FBXW7: variants seen among roughly 807,000 people sequenced by gnomAD.
FBXW7 encodes the protein F-box/WD repeat-containing protein 7.
Under a neutral mutation model 86.3 loss-of-function variants are expected in FBXW7, and 11 were observed. The ratio of observed to expected loss-of-function variants is 0.13; its 90% CI spans 0.08 to 0.21. The LOEUF (loss-of-function observed/expected upper bound fraction) is 0.21. Ranked by LOEUF, FBXW7 falls within the 10% of genes least tolerant of loss-of-function variation. The probability of loss-of-function intolerance (pLI) is 1.00; values close to 1 mark genes in which losing one functional copy is unlikely to be tolerated. For synonymous variants in FBXW7, 313 were observed against 297.9 expected, an observed-to-expected ratio of 1.05 and a Z score of -0.52; for missense variants, 488 against 847.4, an observed-to-expected ratio of 0.58 and a Z score of 5.27.
At chr4:152,338,685 A>G (rs1448944373) in intron 6 of FBXW7, among the ~76,000 whole-genome samples, 1 of 152,152 alleles carries the variant, frequency 6.6e-6, no homozygotes, top group East Asian at 1.9e-4. Context: ...AGTGAAGAAC[A>G]CCTGCACAGA....
At chr4:152,501,728 CTTTTT>C (rs1489749804) in intron 2 of FBXW7, among the ~76,000 whole-genome samples, 1 of 152,026 alleles carries the variant, frequency 6.6e-6, no homozygotes, top group East Asian at 1.9e-4. Context: ...GATGAACATT[CTTTTT>C]TTTATTTGTG....
intron 2 of FBXW7, among the ~76,000 whole-genome samples, chr4:152,422,708 T>C (rs71618402): frequency 3.9e-4 from 59 of 152,282 alleles, no homozygotes; most frequent in Admixed American, 2.0e-3. Context: ...ACACAGCAAT[T>C]TGCCAGCGAG....
At chr4:152,452,133 T>A (rs900227606) in intron 2 of FBXW7, among the ~76,000 whole-genome samples, 2 of 152,216 alleles carry the variant, frequency 1.3e-5, no homozygotes, top group African/African-American at 4.8e-5. Context: ...CAGACTTTGT[T>A]AATTGTGTAA....
At chr4:152,380,103 AAAGTGGTC>A (rs1734920777) in intron 4 of FBXW7, among the ~76,000 whole-genome samples, 1 of 152,188 alleles carries the variant, frequency 6.6e-6, no homozygotes, top group Non-Finnish European at 1.5e-5. Context: ...TAGAAGGAAA[AAAGTGGTC>A]TGTAAAATAC....
At chr4:152,422,338 C>T (rs962536854) in intron 2 of FBXW7, among the ~76,000 whole-genome samples, 5 of 152,046 alleles carry the variant, frequency 3.3e-5, no homozygotes, top group Admixed American at 2.0e-4. Context: ...GTTGAGTTTC[C>T]CAAATTTATA....
intron 4 of FBXW7, among the ~76,000 whole-genome samples, chr4:152,398,345 T>A (rs1000452113): frequency 6.6e-6 from 1 of 151,494 alleles, no homozygotes; most frequent in African/African-American, 2.4e-5. Flanking sequence ...AAAAAAAAAA[T>A]AATACTTTAT....
chr4:152,416,231 T>C (rs1254353028), intron 2 of FBXW7, among the ~76,000 whole-genome samples: 3 of 152,202 alleles, frequency 2.0e-5, no homozygotes, highest in Admixed American at 6.6e-5. Flanking sequence ...GTACTAAGCA[T>C]GCTCTTCACC....
intron 4 of FBXW7, chr4:152,352,460 G>A (rs2126660497): frequency 6.2e-7 from 1 of 1,613,692 alleles, no homozygotes; most frequent in Non-Finnish European, 8.5e-7. Context: ...GAAGAAAACA[G>A]CTTACTTACT....
chr4:152,465,065 A>C (rs1327294077), intron 2 of FBXW7, among the ~76,000 whole-genome samples: 2 of 152,112 alleles, frequency 1.3e-5, no homozygotes, highest in Admixed American at 6.5e-5. Flanking sequence ...AGTATCTCCA[A>C]GGTGTATTAT....
intron 4 of FBXW7, among the ~76,000 whole-genome samples, chr4:152,399,302 T>G (rs1432239056): frequency 6.6e-6 from 1 of 152,090 alleles, no homozygotes; most frequent in African/African-American, 2.4e-5. Flanking sequence ...AAACTAGGAA[T>G]AGAGGGGAGG....
At chr4:152,526,688 T>C (rs1167192773) in intron 2 of FBXW7, among the ~76,000 whole-genome samples, 1 of 152,222 alleles carries the variant, frequency 6.6e-6, no homozygotes, top group Non-Finnish European at 1.5e-5. Context: ...CTAAAAAGGC[T>C]GATAACTGAA....
At chr4:152,408,865 A>C (rs75177483) in intron 4 of FBXW7, among the ~76,000 whole-genome samples, 2,085 of 152,284 alleles carry the variant, frequency 0.014, 26 homozygotes, top group Middle Eastern at 0.037. Flanking sequence ...ATGTATCTGT[A>C]GTAGGATCTT....
intron 4 of FBXW7, among the ~76,000 whole-genome samples, chr4:152,371,634 A>G (rs1355187493): frequency 1.3e-5 from 2 of 152,022 alleles, no homozygotes; most frequent in African/African-American, 4.8e-5. Context: ...TGAAAAGTGT[A>G]TAATTTAATA....
intron 4 of FBXW7, chr4:152,382,549 AG>A: frequency 2.8e-6 from 3 of 1,086,882 alleles, no homozygotes; most frequent in Non-Finnish European, 3.4e-6. Flanking sequence ...TAGAATAGCC[AG>A]GAATTATAAA....
At chr4:152,528,501 T>C (rs79005610) in intron 2 of FBXW7, among the ~76,000 whole-genome samples, 2,434 of 152,314 alleles carry the variant, frequency 0.016, 75 homozygotes, top group African/African-American at 0.056. Flanking sequence ...AACTCAAAAA[T>C]TGTAAAAGAA....
At chr4:152,327,234 A>G (rs930737837) in intron 11 of FBXW7, among the ~76,000 whole-genome samples, 1 of 152,048 alleles carries the variant, frequency 6.6e-6, no homozygotes, top group Admixed American at 6.6e-5. Flanking sequence ...TCATCCCCCA[A>G]ATTTTAACAG....
intron 2 of FBXW7, among the ~76,000 whole-genome samples, chr4:152,470,907 A>G (rs574732650): frequency 1.3e-5 from 2 of 152,300 alleles, no homozygotes; most frequent in South Asian, 4.1e-4. Context: ...AAAACAAAAC[A>G]TAACAAATAA....
rs1011470772 is a variant in FBXW7 at position 152,321,545 on chromosome 4, G to A, written c.*1336C>T. 1.3e-5 allele frequency: 3 copies of A among 232,960 alleles called. No individual in the cohort carries two copies. The highest frequency in any genetic ancestry group is 1.1e-4 in the Admixed American group (2 of 17,738). The allele number at this position is 232,960 out of a possible 1,614,324, so 14.4% of individuals were successfully genotyped here. The stretch of plus-strand genomic sequence containing the variant: ...TCTTGGAGAATGAGGCAAACCATTT[G>A]ACTGTTTCATTCATTTTGTTTGTTT... On this transcript the variant is annotated 3_prime_UTR_variant, in exon 14 of 14. Transcript: ENST00000281708.
chr4:152,370,586 T>A (rs1222551076), intron 4 of FBXW7, among the ~76,000 whole-genome samples: 3 of 151,980 alleles, frequency 2.0e-5, no homozygotes, highest in Admixed American at 1.3e-4. Context: ...ATATTACATG[T>A]ATAGTGGATC....
Sources: gnomAD v4.1 joint callset for allele counts (sites outside exome capture counted in the v4.1 genomes callset) on GRCh38, gnomAD v4.1.1 for gene constraint, MANE v1.5 for transcripts, NCBI Gene and HGNC (gene_info 2026-07-23, HGNC 2026-07-21) for gene names.